CUX1: variants seen among roughly 807,000 people sequenced by gnomAD.
CUX1 encodes protein CASP.
CUX1 carries 31 observed loss-of-function variants against 158.8 expected under a neutral mutation model. The ratio of observed to expected loss-of-function variants is 0.20; its 90% CI spans 0.15 to 0.26. CUX1 has a LOEUF of 0.26. CUX1 is among the 10% of genes least tolerant of loss of function. The pLI is 1.00. For missense variants in CUX1, 1,589 were observed against 2,014.6 expected, an observed-to-expected ratio of 0.79 and a Z score of 4.04; for synonymous variants, 879 against 862.1, an observed-to-expected ratio of 1.02 and a Z score of -0.34.
intron 8 of CUX1, among the ~76,000 whole-genome samples, chr7:102,116,404 C>T (rs1225727892): frequency 2.0e-5 from 3 of 152,152 alleles, no homozygotes; most frequent in Non-Finnish European, 4.4e-5. Flanking sequence ...TCTCTTCTCT[C>T]AATTACTGCT....
At chr7:102,139,817 AT>A (rs3216524) in intron 8 of CUX1, among the ~76,000 whole-genome samples, 3,203 of 146,810 alleles carry the variant, frequency 0.022, 94 homozygotes, top group African/African-American at 0.065. Flanking sequence ...ACACCCAGCT[AT>A]TTTTTTTTTT....
At position 102,252,133 on chromosome 7, in the gene CUX1, AAAAT is replaced by A; in HGVS notation, c.*3093_*3096del. 1.0e-6 allele frequency: 1 copy of A among 984,820 alleles called. No individual in the cohort carries two copies. The highest frequency in any genetic ancestry group is 1.2e-6 in the Non-Finnish European group (1 of 829,406). 61.0% of individuals were successfully genotyped at this position (984,820 alleles called of 1,614,324 possible). On this transcript the variant is annotated 3_prime_UTR_variant, in exon 24 of 24. Coordinates refer to ENST00000292535, the MANE Select transcript of CUX1 (RefSeq NM_181552.4). ...TCCTCTATTATTTATTTTTTTAAAA[AAAAT>A]AGAGATCCTAACCTTAGATCTTTGA...
intron 5 of CUX1, among the ~76,000 whole-genome samples, chr7:102,099,040 A>G (rs1396385076): frequency 1.3e-5 from 2 of 152,102 alleles, no homozygotes; most frequent in Admixed American, 1.3e-4. Flanking sequence ...GTCCATGGGA[A>G]TGATCCAGAA....
chr7:102,199,937 A>C (rs1554519195), intron 16 of CUX1, 134 bp from the exon 17 acceptor site: 2 of 628,438 alleles, frequency 3.2e-6, no homozygotes, highest in African/African-American at 1.9e-5. Flanking sequence ...AACACAGGCC[A>C]CTGGGAGGCC....
chr7:102,104,487 A>T, intron 6 of CUX1, 28 bp downstream of exon 6: 1 of 1,608,618 alleles, frequency 6.2e-7, no homozygotes, highest in Non-Finnish European at 8.5e-7. Context: ...GCACACACAG[A>T]CTGACATAGC....
intron 1 of CUX1, among the ~76,000 whole-genome samples, chr7:101,835,716 T>C (rs1185308806): frequency 6.6e-6 from 1 of 152,198 alleles, no homozygotes; most frequent in Non-Finnish European, 1.5e-5. Flanking sequence ...ACAGTCCAAT[T>C]ATACACTTTT....
intron 10 of CUX1, among the ~76,000 whole-genome samples, chr7:102,173,128 G>A (rs1331401982): frequency 1.3e-5 from 2 of 152,122 alleles, no homozygotes; most frequent in Admixed American, 6.6e-5. Context: ...GGGGGGCCGA[G>A]GCGGGCAGAT....
At chr7:102,186,597 T>TA (rs1554515382) in intron 11 of CUX1, among the ~76,000 whole-genome samples, 100 of 144,116 alleles carry the variant, frequency 6.9e-4, no homozygotes, top group South Asian at 1.1e-3. Context: ...ATATATATAT[T>TA]TTTTTTTATT....
At chr7:101,926,859 C>T (rs1174230889) in intron 2 of CUX1, among the ~76,000 whole-genome samples, 5 of 152,186 alleles carry the variant, frequency 3.3e-5, no homozygotes, top group Admixed American at 2.6e-4. Flanking sequence ...ACACCCTCCT[C>T]TCTTCTTTCC....
chr7:101,897,872 A>T (rs570892002), intron 1 of CUX1, among the ~76,000 whole-genome samples: 3 of 152,290 alleles, frequency 2.0e-5, no homozygotes, highest in Admixed American at 2.0e-4. Flanking sequence ...CAAGTCATGT[A>T]AAAAGCTGGA....
At chr7:102,083,885 A>C (rs1244857466) in intron 4 of CUX1, among the ~76,000 whole-genome samples, 1 of 146,704 alleles carries the variant, frequency 6.8e-6, no homozygotes, top group Non-Finnish European at 1.5e-5. Context: ...AAAATCTACA[A>C]TGTTTATTTT....
chr7:101,970,420 T>A (rs554953705), intron 2 of CUX1, among the ~76,000 whole-genome samples: 43 of 152,254 alleles, frequency 2.8e-4, no homozygotes, highest in Admixed American at 2.6e-3. Context: ...AACTGTCTGA[T>A]ACAGGCTTCA....
At chr7:102,136,849 G>A (rs868940653) in intron 8 of CUX1, among the ~76,000 whole-genome samples, 83 of 152,134 alleles carry the variant, frequency 5.5e-4, no homozygotes, top group Middle Eastern at 3.4e-3. Context: ...TAATTCCCAC[G>A]TGCTTCTGTG....
chr7:102,249,312 C>T lies in CUX1; in HGVS notation c.*270C>T, dbSNP rs1011128213. ...AACCCCGCGGCCCAGACCCAGCCCG[C>T]GGCCTGGACCCCTGGACCGCTTTGC... On this transcript the variant is annotated 3_prime_UTR_variant, in exon 24 of 24. Transcript: ENST00000292535. 11 of 1,028,184 alleles carry T rather than the reference C, an allele frequency of 1.1e-5. No homozygotes were observed. The highest frequency in any genetic ancestry group is 1.2e-5 in the Non-Finnish European group (10 of 857,116). 63.7% of individuals were successfully genotyped at this position (1,028,184 alleles called of 1,614,324 possible).
At chr7:102,233,183 C>CTTTTTTT (rs781940562) in intron 21 of CUX1, among the ~76,000 whole-genome samples, 1 of 117,250 alleles carries the variant, frequency 8.5e-6, no homozygotes. Context: ...TTTTTTTTTC[C>CTTTTTTT]TTTTTTTTTT....
intron 1 of CUX1, among the ~76,000 whole-genome samples, chr7:101,824,211 C>A (rs866291149): frequency 6.6e-6 from 1 of 152,208 alleles, no homozygotes; most frequent in African/African-American, 2.4e-5. Context: ...CCTCAGCCCC[C>A]CCGAGTAGCT....
chr7:102,068,068 T>C (rs1825742200), intron 3 of CUX1, among the ~76,000 whole-genome samples: 1 of 151,518 alleles, frequency 6.6e-6, no homozygotes, highest in Admixed American at 6.6e-5. Context: ...CAACACCAAA[T>C]TCACAACCTT....
intron 3 of CUX1, among the ~76,000 whole-genome samples, chr7:102,056,818 C>T (rs1824194713): frequency 6.6e-6 from 1 of 152,142 alleles, no homozygotes; most frequent in Non-Finnish European, 1.5e-5. Context: ...ATCCGCCTGC[C>T]TCAGCCTCCC....
At chr7:101,878,503 C>T (rs1192220287) in intron 1 of CUX1, among the ~76,000 whole-genome samples, 1 of 152,126 alleles carries the variant, frequency 6.6e-6, no homozygotes, top group Non-Finnish European at 1.5e-5. Flanking sequence ...TGCGCCTGAG[C>T]CCACAATTAC....
Sources: gnomAD v4.1 joint callset for allele counts (sites outside exome capture counted in the v4.1 genomes callset) on GRCh38, gnomAD v4.1.1 for gene constraint, MANE v1.5 for transcripts, NCBI Gene and HGNC (gene_info 2026-07-23, HGNC 2026-07-21) for gene names.